Variants in ZFP30 observed in about 807,000 individuals in gnomAD.
ZFP30 encodes ZFP30 zinc finger protein.
A neutral mutation model predicts 12.3 loss-of-function variants in ZFP30; 16 were observed. That is an observed-to-expected ratio of 1.30 (90% CI 0.88 to 1.98). The LOEUF (loss-of-function observed/expected upper bound fraction) is 1.98. Ranked by LOEUF, ZFP30 falls within the 30% of genes most tolerant of loss-of-function variation. The pLI, the probability that ZFP30 is intolerant of heterozygous loss-of-function variation, is 0.00. For synonymous variants in ZFP30, 172 were observed against 201.0 expected, an observed-to-expected ratio of 0.86 and a Z score of 1.22; for missense variants, 560 against 611.2, an observed-to-expected ratio of 0.92 and a Z score of 0.88.
intron 2 of ZFP30, among the ~76,000 whole-genome samples, chr19:37,653,517 T>A (rs1374660738): frequency 1.3e-5 from 2 of 152,226 alleles, no homozygotes; most frequent in African/African-American, 4.8e-5. Flanking sequence ...TTGATGATTC[T>A]TATTTACAAC....
Position 37,634,916 on chromosome 19 carries a change from C to T in ZFP30, c.*65G>A. On this transcript the variant is annotated 3_prime_UTR_variant, in exon 6 of 6. Transcript: ENST00000684514. Reference sequence around the variant, plus strand: ...AAAAGGGATTCCCACGTTCAAAAACCTTTCCTCTAGAATGTACTTCCTATG... The same window carrying T: ...AAAAGGGATTCCCACGTTCAAAAACTTTTCCTCTAGAATGTACTTCCTATG... The T allele has an allele frequency of 6.9e-7, 1 of 1,448,228 alleles. No homozygotes were observed. Among genetic ancestry groups the T allele is most frequent in the Non-Finnish European group, 9.1e-7 (1 of 1,101,690 alleles). The allele number at this position is 1,448,228 out of a possible 1,614,324, so 89.7% of individuals were successfully genotyped here.
chr19:37,640,129 A>G (rs531548059), intron 5 of ZFP30, among the ~76,000 whole-genome samples: 11 of 152,358 alleles, frequency 7.2e-5, no homozygotes, highest in Non-Finnish European at 1.0e-4. Context: ...AGAAAATAGT[A>G]AAAGACAGAA....
At chr19:37,652,377 G>A (rs1183532592) in intron 2 of ZFP30, among the ~76,000 whole-genome samples, 1 of 151,908 alleles carries the variant, frequency 6.6e-6, no homozygotes, top group Non-Finnish European at 1.5e-5. Context: ...GACCAGCTTG[G>A]TCAACATAGT....
At chr19:37,655,866 G>A (rs1324342590), upstream of ZFP30, 2 of 152,306 alleles carry the variant, frequency 1.3e-5, no homozygotes, top group South Asian at 2.1e-4. Flanking sequence ...AGCGCGCGGG[G>A]GGCGAACGCT....
In ZFP30 at chr19:37,643,217, A is replaced by C. The variant is rs761589961; in HGVS notation, c.235+48T>G. The C allele has an allele frequency of 2.0e-6, 3 of 1,465,838 alleles. No individual in the cohort carries two copies. In the East Asian group the frequency reaches 7.0e-5, roughly 34 times the overall value. The allele number at this position is 1,465,838 out of a possible 1,614,324, so 90.8% of individuals were successfully genotyped here. On this transcript the variant is annotated intron_variant, in intron 5 of 5. Transcript: ENST00000684514. The stretch of plus-strand genomic sequence containing the variant: ...GGGGTGTGTCTCCTCCTCAACCAGC[A>C]GGTCTGGCCATGCCATAATGGCTGA...
intron 5 of ZFP30, among the ~76,000 whole-genome samples, chr19:37,640,002 G>A (rs1053481615): frequency 1.3e-5 from 2 of 152,136 alleles, no homozygotes; most frequent in Non-Finnish European, 2.9e-5. Context: ...TCTTACTGCT[G>A]CAAGCAACTA....
At chr19:37,654,484 G>A (rs1336038071) in intron 2 of ZFP30, among the ~76,000 whole-genome samples, 1 of 152,156 alleles carries the variant, frequency 6.6e-6, no homozygotes, top group Non-Finnish European at 1.5e-5. Flanking sequence ...AGCGCTCACA[G>A]AGTAATTGAA....
chr19:37,631,333 TTTA>T lies in ZFP30; in HGVS notation c.*3645_*3647del, dbSNP rs979852105. ...CTTCATTATTTGGAGAAGCTATAGT[TTTA>T]TTTTCTTAATTATTAATTTTAATAT... On this transcript the variant is annotated 3_prime_UTR_variant, in exon 6 of 6. Coordinates refer to ENST00000684514, the MANE Select transcript of ZFP30 (RefSeq NM_001320669.3). 94 of 152,300 alleles carry T rather than the reference TTTA, an allele frequency of 6.2e-4. No individual in the cohort carries two copies. The highest frequency in any genetic ancestry group is 2.3e-3 in the African/African-American group (94 of 41,564). The allele number at this position is 152,300 out of a possible 1,614,324, so 9.4% of individuals were successfully genotyped here.
chr19:37,642,471 A>G (rs927241674), intron 5 of ZFP30, among the ~76,000 whole-genome samples: 2 of 152,188 alleles, frequency 1.3e-5, no homozygotes, highest in Non-Finnish European at 2.9e-5. Context: ...TTCATTCATT[A>G]TAATTCTCCA....
Position 37,636,277 on chromosome 19 carries a change from C to G in ZFP30, c.264G>C (p.Lys88Asn), listed in dbSNP as rs768378687. ...CATAAATATCCTTTCCTTGAAATAA[C>G]TTTTTAGTGTCATATCTGGATTCCA... Reference protein sequence around the residue: ...LDLESRYDTKKLFQGKDIYEM... With the variant: ...LDLESRYDTKNLFQGKDIYEM... The change falls in exon 6 of 6, where the codon AAG becomes AAC. Residue 88 changes from lysine (K) to asparagine (N), a missense_variant. Transcript: ENST00000684514. 1 of 1,599,502 alleles carries G rather than the reference C, an allele frequency of 6.3e-7. No individual in the cohort carries two copies. Among genetic ancestry groups the G allele is most frequent in the Non-Finnish European group, 8.5e-7 (1 of 1,174,170 alleles).
intron 2 of ZFP30, among the ~76,000 whole-genome samples, chr19:37,651,929 GA>G (rs36018812): frequency 1.3e-4 from 19 of 150,438 alleles, no homozygotes; most frequent in Non-Finnish European, 1.3e-4. Context: ...TACACTGAAA[GA>G]AAAAAAAAGT....
In ZFP30 at chr19:37,644,712, C is replaced by T. The variant is rs1413914456; in HGVS notation, c.34G>A (p.Ala12Thr). Residue 12 changes from alanine (A) to threonine (T), a missense_variant, in exon 4 of 6, where the codon GCT (alanine) becomes ACT (threonine). Coordinates refer to ENST00000684514, the MANE Select transcript of ZFP30 (RefSeq NM_001320669.3). ...CATTCTTCCTGAGAAAAGTCTACAG[C>T]CACATCTCTGAACATCACCAAATCC... The part of the protein sequence containing the change: ...ARDLVMFRDV[A>T]VDFSQEEWEC... 6.2e-7 allele frequency: 1 copy of T among 1,613,156 alleles called. No individual in the cohort carries two copies.
intron 2 of ZFP30, among the ~76,000 whole-genome samples, chr19:37,649,770 G>A (rs192267760): frequency 4.6e-5 from 7 of 151,378 alleles, no homozygotes; most frequent in African/African-American, 1.7e-4. Flanking sequence ...GCTGCAGTGA[G>A]CCCCGTTCAT....
In ZFP30 at chr19:37,636,222, C is replaced by G; in HGVS notation, c.319G>C (p.Glu107Gln). The G allele has an allele frequency of 6.2e-7, 1 of 1,613,918 alleles. No homozygotes were observed. The highest frequency in any genetic ancestry group is 8.5e-7 in the Non-Finnish European group (1 of 1,179,958). ...EMNLSQWKVMERIKSCGLEEQ... is the reference protein window; with the variant it reads ...EMNLSQWKVMQRIKSCGLEEQ... Reference sequence around the variant, plus strand: ...TCAAGTCCACAGCTTTTAATTCTTTCCATTACCTTCCACTGAGATAAGTTC... The same window carrying G: ...TCAAGTCCACAGCTTTTAATTCTTTGCATTACCTTCCACTGAGATAAGTTC... The change falls in exon 6 of 6, where the codon GAA becomes CAA. Residue 107 changes from glutamate to glutamine, a missense_variant. Glu to Gln is a conservative substitution (Grantham distance 29). Transcript: ENST00000684514.
chr19:37,638,415 G>A (rs1056320803), intron 5 of ZFP30, among the ~76,000 whole-genome samples: 3 of 152,192 alleles, frequency 2.0e-5, no homozygotes, highest in Admixed American at 6.5e-5. Flanking sequence ...AAAATTCTGA[G>A]CAAAGAGATG....
intron 3 of ZFP30, among the ~76,000 whole-genome samples, chr19:37,645,374 T>C (rs1013464458): frequency 2.0e-5 from 3 of 152,106 alleles, no homozygotes; most frequent in Non-Finnish European, 4.4e-5. Flanking sequence ...AAGATTTCTA[T>C]AAACAAAAGA....
At chr19:37,651,031 T>C (rs992216321) in intron 2 of ZFP30, among the ~76,000 whole-genome samples, 10 of 152,094 alleles carry the variant, frequency 6.6e-5, no homozygotes, top group African/African-American at 2.4e-4. Flanking sequence ...TGTGAGCCAC[T>C]GCACCCAGCC....
intron 4 of ZFP30, among the ~76,000 whole-genome samples, chr19:37,643,727 G>T (rs1016981930): frequency 2.0e-5 from 3 of 151,884 alleles, no homozygotes; most frequent in African/African-American, 7.3e-5. Context: ...ATGAGTACCT[G>T]GTACATGTTA....
At chr19:37,636,520 T>G (rs1278770810) in intron 5 of ZFP30, among the ~76,000 whole-genome samples, 1 of 152,044 alleles carries the variant, frequency 6.6e-6, no homozygotes, top group Non-Finnish European at 1.5e-5. Flanking sequence ...TGGGTGCAGA[T>G]CAAAGTTTGA....
Sources: allele counts gnomAD v4.1 joint callset (sites outside exome capture counted in the v4.1 genomes callset), GRCh38; gene constraint gnomAD v4.1.1; transcripts MANE v1.5; gene names NCBI Gene and HGNC (gene_info 2026-07-23, HGNC 2026-07-21).